Variants in PRDM6 observed in about 807,000 individuals in gnomAD.
PRDM6 encodes PR/SET domain 6.
In PRDM6, 25 loss-of-function variants were observed where a neutral mutation model predicts 60.8. The observed-to-expected ratio is 0.41, with a 90% CI of 0.30 to 0.57. The LOEUF (loss-of-function observed/expected upper bound fraction) is 0.57, where lower values mean the gene tolerates loss of function less well. Ranked by LOEUF, PRDM6 falls within the 20% of genes least tolerant of loss-of-function variation. The pLI is 0.27. For synonymous variants in PRDM6, 407 were observed against 357.4 expected, an observed-to-expected ratio of 1.14 and a Z score of -1.57; for missense variants, 839 against 821.3, an observed-to-expected ratio of 1.02 and a Z score of -0.26.
At position 123,187,194 on chromosome 5, in the gene PRDM6, T is replaced by G. The variant is rs1470510188; in HGVS notation, c.1781T>G (p.Val594Gly). Residue 594 changes from valine (V) to glycine (G), a missense_variant, in exon 8 of 8, where the codon GTG (valine) becomes GGG (glycine). By Grantham distance (109) the Val-to-Gly change is moderately radical (BLOSUM62 -3). Coordinates refer to ENST00000407847, the MANE Select transcript of PRDM6 (RefSeq NM_001136239.4). ...ACTGAGAGCCCAGAATCAATCGAAG[T>G]GGATTAACGGATTGACTGGTTGGAA... ...PITESPESIE[V>G]D 1.3e-6 allele frequency: 2 copies of G among 1,548,230 alleles called. No homozygotes were observed. Among genetic ancestry groups the G allele is most frequent in the Non-Finnish European group, 1.7e-6 (2 of 1,144,058 alleles).
chr5:123,157,215 A>G (rs780323121), intron 4 of PRDM6, among the ~76,000 whole-genome samples: 49 of 152,178 alleles, frequency 3.2e-4, no homozygotes, highest in Non-Finnish European at 6.3e-4. Flanking sequence ...TTTTCAGTGC[A>G]GTTTTATTTC....
At chr5:123,152,620 C>G (rs1765394713) in intron 3 of PRDM6, among the ~76,000 whole-genome samples, 1 of 152,162 alleles carries the variant, frequency 6.6e-6, no homozygotes, top group Admixed American at 6.5e-5. Flanking sequence ...CTGGCTTACA[C>G]CATTTCTATG....
rs1242992739 is a variant in PRDM6, at chr5:123,187,204, G to T, written c.*3G>T. 6.5e-7 allele frequency: 1 copy of T among 1,544,144 alleles called. No individual in the cohort carries two copies. The highest frequency in any genetic ancestry group is 1.4e-5 in the African/African-American group (1 of 72,868). ...CAGAATCAATCGAAGTGGATTAACG[G>T]ATTGACTGGTTGGAATTAAACTGCA... On this transcript the variant is annotated 3_prime_UTR_variant, in exon 8 of 8. Coordinates refer to ENST00000407847, the MANE Select transcript of PRDM6 (RefSeq NM_001136239.4).
In PRDM6 at chr5:123,163,977, G is replaced by A. The variant is rs563699915; in HGVS notation, c.1153+4339G>A. Among the ~76,000 whole-genome samples, 8 of 152,156 alleles carry A rather than the reference G, an allele frequency of 5.3e-5. No homozygotes were observed. The South Asian group carries it at 1.0e-3, about 20-fold the overall frequency. The stretch of plus-strand genomic sequence containing the variant: ...CTTCACGGTGCCCCTCACCCCCACC[G>A]TTCCACCAACAGCGAGAAACTAGGT... On this transcript the variant is annotated intron_variant, in intron 5 of 7. Transcript: ENST00000407847.
At chr5:123,162,785 C>T (rs772898668) in intron 5 of PRDM6, among the ~76,000 whole-genome samples, 1 of 152,174 alleles carries the variant, frequency 6.6e-6, no homozygotes, top group Non-Finnish European at 1.5e-5. Flanking sequence ...AAGGCTTCAT[C>T]AGATCGTGTG....
intron 3 of PRDM6, among the ~76,000 whole-genome samples, chr5:123,104,618 T>C (rs908009545): frequency 6.6e-6 from 1 of 152,212 alleles, no homozygotes; most frequent in Non-Finnish European, 1.5e-5. Context: ...AGTTTGGTTT[T>C]GAATATGTCA....
chr5:123,166,090 T>C (rs1190159365), intron 5 of PRDM6, among the ~76,000 whole-genome samples: 1 of 152,156 alleles, frequency 6.6e-6, no homozygotes, highest in Non-Finnish European at 1.5e-5. Context: ...CGTCACCCCG[T>C]CAGATATTTC....
At chr5:123,092,043 C>T (rs1763853208) in intron 2 of PRDM6, among the ~76,000 whole-genome samples, 1 of 152,148 alleles carries the variant, frequency 6.6e-6, no homozygotes, top group South Asian at 2.1e-4. Context: ...ACAGAAAGAG[C>T]AATCGTATTT....
At chr5:123,105,102 A>G (rs1764175659) in intron 3 of PRDM6, among the ~76,000 whole-genome samples, 1 of 152,238 alleles carries the variant, frequency 6.6e-6, no homozygotes, top group East Asian at 1.9e-4. Context: ...TGAGTTCTGT[A>G]TCCACCGGAT....
chr5:123,101,197 A>G (rs928597475), intron 3 of PRDM6, among the ~76,000 whole-genome samples: 5 of 152,148 alleles, frequency 3.3e-5, no homozygotes, highest in African/African-American at 1.2e-4. Flanking sequence ...GCACTATATT[A>G]GGCCATGGAG....
chr5:123,090,686 G>C, intron 2 of PRDM6, 80 bp downstream of exon 2: 1 of 862,108 alleles, frequency 1.2e-6, no homozygotes, highest in Non-Finnish European at 1.7e-6. Context: ...TCAGGGAGGC[G>C]GGTCGGATAG....
intron 3 of PRDM6, among the ~76,000 whole-genome samples, chr5:123,153,193 T>C (rs1365745683): frequency 2.5e-5 from 3 of 120,646 alleles, no homozygotes; most frequent in Admixed American, 8.1e-5. Context: ...ATGCAAAAAC[T>C]GAACTACAAA....
chr5:123,126,791 C>T (rs1328773847), intron 3 of PRDM6, among the ~76,000 whole-genome samples: 2 of 152,130 alleles, frequency 1.3e-5, no homozygotes, highest in African/African-American at 4.8e-5. Context: ...CCTTCGTTTC[C>T]AAGAAAAGCC....
chr5:123,142,026 C>A (rs1765114460), intron 3 of PRDM6, among the ~76,000 whole-genome samples: 1 of 152,044 alleles, frequency 6.6e-6, no homozygotes, highest in African/African-American at 2.4e-5. Flanking sequence ...TTAGAAAATA[C>A]ATCTTTTTAA....
intron 3 of PRDM6, among the ~76,000 whole-genome samples, chr5:123,136,103 G>A (rs1764943886): frequency 1.3e-5 from 2 of 152,148 alleles, no homozygotes; most frequent in Admixed American, 1.3e-4. Context: ...TTTTGCAGAG[G>A]CCTCTTTGAA....
At chr5:123,114,205 A>G (rs1025345859) in intron 3 of PRDM6, among the ~76,000 whole-genome samples, 1 of 152,216 alleles carries the variant, frequency 6.6e-6, no homozygotes, top group Non-Finnish European at 1.5e-5. Flanking sequence ...TCAGCCTTTC[A>G]TTGGTGGGGC....
At chr5:123,113,806 G>C (rs1391834537) in intron 3 of PRDM6, among the ~76,000 whole-genome samples, 3 of 152,164 alleles carry the variant, frequency 2.0e-5, no homozygotes, top group Non-Finnish European at 4.4e-5. Flanking sequence ...AGCAGTTATA[G>C]CTTCACAGAG....
intron 3 of PRDM6, among the ~76,000 whole-genome samples, chr5:123,123,348 T>G (rs1764623229): frequency 6.6e-6 from 1 of 152,224 alleles, no homozygotes; most frequent in South Asian, 2.1e-4. Context: ...TTTGGAGGTC[T>G]GGGAAGCCAC....
chr5:123,126,052 A>G (rs1017771649), intron 3 of PRDM6, among the ~76,000 whole-genome samples: 1 of 152,206 alleles, frequency 6.6e-6, no homozygotes, highest in Non-Finnish European at 1.5e-5. Flanking sequence ...TAGTTCATTC[A>G]TGGATGAACA....
Sources: allele counts gnomAD v4.1 joint callset (sites outside exome capture counted in the v4.1 genomes callset), GRCh38; gene constraint gnomAD v4.1.1; transcripts MANE v1.5; gene names NCBI Gene and HGNC (gene_info 2026-07-23, HGNC 2026-07-21).